The following CCNB3 variants were observed in gnomAD, a reference collection of about 807,000 sequenced individuals.
CCNB3 encodes G2/mitotic-specific cyclin-B3.
CCNB3 carries 12 observed loss-of-function variants against 68.0 expected under a neutral mutation model. The ratio of observed to expected loss-of-function variants is 0.18; its 90% CI spans 0.11 to 0.29. CCNB3 has a LOEUF of 0.29. Ranked by LOEUF, CCNB3 falls within the 10% of genes least tolerant of loss-of-function variation. The pLI, the probability that CCNB3 is intolerant of heterozygous loss-of-function variation, is 1.00. For synonymous variants in CCNB3, 354 were observed against 388.9 expected, an observed-to-expected ratio of 0.91 and a Z score of 1.06; for missense variants, 904 against 993.1, an observed-to-expected ratio of 0.91 and a Z score of 1.21.
intron 1 of CCNB3, among the ~76,000 whole-genome samples, chrX:50,279,507 GTATT>G (rs1390622981): frequency 5.1e-5 from 4 of 78,358 alleles, no homozygotes; most frequent in African/African-American, 9.8e-5. Flanking sequence ...ATATATGAAT[GTATT>G]TATTCATATA....
intron 1 of CCNB3, among the ~76,000 whole-genome samples, chrX:50,284,300 T>C (rs1376721797): frequency 9.0e-6 from 1 of 111,280 alleles, no homozygotes; most frequent in Non-Finnish European, 1.9e-5. Flanking sequence ...AAAATCTTTT[T>C]CCCTAGAAAC....
chrX:50,328,527 CCT>C (rs1557217624), intron 8 of CCNB3, among the ~76,000 whole-genome samples: 5 of 111,674 alleles, frequency 4.5e-5, no homozygotes, highest in Admixed American at 3.8e-4. Context: ...AGGGATCTGT[CCT>C]CATGACCCAA....
At chrX:50,280,071 TA>T (rs1162734910) in intron 1 of CCNB3, among the ~76,000 whole-genome samples, 1 of 84,441 alleles carries the variant, frequency 1.2e-5, no homozygotes, top group Admixed American at 1.6e-4. Context: ...ATGGAATATA[TA>T]AATATATATA....
intron 1 of CCNB3, among the ~76,000 whole-genome samples, chrX:50,226,637 AAT>A (rs1329687370): frequency 1.3e-4 from 10 of 77,315 alleles, no homozygotes; most frequent in South Asian, 5.9e-4. Flanking sequence ...TATATCTATA[AAT>A]ATATATATAG....
At chrX:50,207,768 C>T (rs782324156) in intron 1 of CCNB3, among the ~76,000 whole-genome samples, 1 of 111,642 alleles carries the variant, frequency 9.0e-6, no homozygotes, top group South Asian at 3.8e-4. Context: ...ATTCATATAC[C>T]ATGTAACTCA....
intron 8 of CCNB3, among the ~76,000 whole-genome samples, chrX:50,340,843 A>G (rs1254619800): frequency 8.9e-6 from 1 of 111,792 alleles, no homozygotes; most frequent in African/African-American, 3.3e-5. Flanking sequence ...AATCAATAGC[A>G]GGAGGAAGTT....
Position 50,309,495 on chromosome X carries a change from C to T in CCNB3, c.1326C>T (p.His442=), listed in dbSNP as rs782518239. ...AACCATCTGCATTGCAAAAGAAGCACACCACTCAGGAGGAGGTTTCCATCT... is the reference window on the plus strand; with the variant it reads ...AACCATCTGCATTGCAAAAGAAGCATACCACTCAGGAGGAGGTTTCCATCT... ...SQEPSALQKK[H]TTQEEVSILK... is the part of the protein sequence containing the mutation. Residue 442 remains histidine, a synonymous_variant, in exon 6 of 13, where the codon CAC becomes CAT. Coordinates refer to ENST00000376042, the MANE Select transcript of CCNB3 (RefSeq NM_033031.3). 4 of 1,209,347 alleles carry T rather than the reference C, an allele frequency of 3.3e-6. No homozygotes were observed. The Admixed American group carries it at 8.7e-5, about 26-fold the overall frequency.
chrX:50,215,271 G>C (rs1166903592), intron 1 of CCNB3, among the ~76,000 whole-genome samples: 1 of 111,279 alleles, frequency 9.0e-6, no homozygotes, highest in Non-Finnish European at 1.9e-5. Context: ...TTACAGGCAT[G>C]AGCCACCACG....
At chrX:50,307,720 A>G (rs1429766748) in intron 5 of CCNB3, among the ~76,000 whole-genome samples, 2 of 110,721 alleles carry the variant, frequency 1.8e-5, no homozygotes, top group Admixed American at 1.9e-4. Context: ...GGAAACCACT[A>G]GTCTACTTTC....
chrX:50,287,440 A>G (rs1557209501), intron 3 of CCNB3, among the ~76,000 whole-genome samples: 1 of 112,095 alleles, frequency 8.9e-6, no homozygotes, highest in Non-Finnish European at 1.9e-5. Flanking sequence ...GTTTACAATC[A>G]TATCAGACTA....
intron 5 of CCNB3, among the ~76,000 whole-genome samples, chrX:50,298,419 A>T (rs1173441070): frequency 7.2e-5 from 8 of 111,215 alleles, no homozygotes; most frequent in South Asian, 3.8e-4. Context: ...GTTCTGTTTA[A>T]ATGCTGGATT....
At chrX:50,298,283 CTTA>C (rs1433126213) in intron 5 of CCNB3, among the ~76,000 whole-genome samples, 114 of 111,530 alleles carry the variant, frequency 1.0e-3, no homozygotes, top group African/African-American at 3.5e-3. Context: ...ACAGATATCT[CTTA>C]TTATTTTGAG....
At chrX:50,283,499 G>A (rs1048621017) in intron 1 of CCNB3, among the ~76,000 whole-genome samples, 1 of 111,354 alleles carries the variant, frequency 9.0e-6, no homozygotes, top group African/African-American at 3.3e-5. Context: ...GGCTTTTCCT[G>A]ACCTACAAAA....
At chrX:50,203,763 C>A (rs1240105967), upstream of CCNB3, among the ~76,000 whole-genome samples, 1 of 111,669 alleles carries the variant, frequency 9.0e-6, no homozygotes, top group Non-Finnish European at 1.9e-5. Flanking sequence ...CAGGGGGCAA[C>A]TGCTAAAGAT....
At chrX:50,214,117 A>C (rs1935524530) in intron 1 of CCNB3, among the ~76,000 whole-genome samples, 1 of 110,462 alleles carries the variant, frequency 9.1e-6, no homozygotes, top group Non-Finnish European at 1.9e-5. Context: ...AATGCTGTTA[A>C]CTACAGGCAC....
intron 8 of CCNB3, among the ~76,000 whole-genome samples, chrX:50,318,213 TA>T (rs782490765): frequency 0.032 from 2,997 of 94,128 alleles, 56 homozygotes; most frequent in Non-Finnish European, 0.048. Context: ...ACTCTATTCT[TA>T]AAAAAAAAAA....
At chrX:50,225,721 A>T (rs1439565758) in intron 1 of CCNB3, among the ~76,000 whole-genome samples, 1 of 109,221 alleles carries the variant, frequency 9.2e-6, no homozygotes, top group Non-Finnish European at 1.9e-5. Flanking sequence ...GCTTCAATAA[A>T]AGGTTTGATG....
intron 8 of CCNB3, among the ~76,000 whole-genome samples, chrX:50,318,456 T>C (rs1285741150): frequency 1.8e-5 from 2 of 111,287 alleles, no homozygotes; most frequent in Non-Finnish European, 3.8e-5. Context: ...GAAGTTACAG[T>C]AAGCCAAGAT....
intron 9 of CCNB3, 96 bp downstream of exon 9, chrX:50,342,435 C>A: frequency 1.1e-6 from 1 of 900,077 alleles, no homozygotes; most frequent in Non-Finnish European, 1.5e-6. Context: ...TTATGTGCTG[C>A]ATAACAATGT....
Sources: allele counts gnomAD v4.1 joint callset (sites outside exome capture counted in the v4.1 genomes callset), GRCh38; gene constraint gnomAD v4.1.1; transcripts MANE v1.5; gene names NCBI Gene and HGNC (gene_info 2026-07-23, HGNC 2026-07-21).